Variants in NETO1 observed in about 807,000 individuals in gnomAD.
NETO1 encodes neuropilin and tolloid-like protein 1.
NETO1 carries 26 observed loss-of-function variants against 61.3 expected under a neutral mutation model. The ratio of observed to expected loss-of-function variants is 0.42; its 90% CI spans 0.31 to 0.59. The LOEUF (loss-of-function observed/expected upper bound fraction) is 0.59, where lower values mean the gene tolerates loss of function less well. Among genes scored for constraint, NETO1 ranks in the 20% least tolerant of loss-of-function variants. NETO1 has a pLI of 0.12. For synonymous variants in NETO1, 225 were observed against 225.8 expected (o/e 1.00, Z 0.03); for missense variants, 531 against 662.8 (o/e 0.80, Z 2.18).
chr18:72,857,140 G>C (rs1482504891), intron 4 of NETO1, among the ~76,000 whole-genome samples: 1 of 152,274 alleles, frequency 6.6e-6, no homozygotes, highest in East Asian at 1.9e-4. Flanking sequence ...TATGCCAAAT[G>C]TAGGTTTCCC....
intron 7 of NETO1, among the ~76,000 whole-genome samples, chr18:72,778,499 G>A (rs771687926): frequency 9.9e-5 from 15 of 151,926 alleles, no homozygotes; most frequent in Admixed American, 2.6e-4. Flanking sequence ...CACTTTGCCC[G>A]GACATTTTCT....
In NETO1 at chr18:72,791,448, A is replaced by G. The variant is rs2072113479; in HGVS notation, c.639+2669T>C. Among the ~76,000 whole-genome samples the G allele has an allele frequency of 2.0e-5, 3 of 152,316 alleles. No individual in the cohort carries two copies. The South Asian group carries it at 6.2e-4, about 32-fold the overall frequency. ...TAATCTCCAGTCCGTGCTTTTCTCC[A>G]CAGTATTCAAAGCCACTTCCCATCC... On this transcript the variant is annotated intron_variant, in intron 6 of 10. Coordinates refer to ENST00000327305, the MANE Select transcript of NETO1 (RefSeq NM_138966.5).
intron 4 of NETO1, among the ~76,000 whole-genome samples, 171 bp from the exon 5 acceptor site, chr18:72,794,575 G>T (rs1419269255): frequency 6.6e-6 from 1 of 152,120 alleles, no homozygotes; most frequent in Non-Finnish European, 1.5e-5. Context: ...GCATAATGAT[G>T]TTGGGACTGA....
At chr18:72,842,044 G>C (rs2073950431) in intron 4 of NETO1, among the ~76,000 whole-genome samples, 2 of 105,228 alleles carry the variant, frequency 1.9e-5, no homozygotes, top group Admixed American at 2.3e-4. Context: ...AATGTATACA[G>C]AAGTTTCCTG....
chr18:72,820,061 T>A (rs2062311), intron 4 of NETO1, among the ~76,000 whole-genome samples: 148,205 of 152,282 alleles, frequency 0.97, 72,130 homozygotes, highest in East Asian at 1. Context: ...CTTTTGTACC[T>A]AAAAGAAATG....
intron 7 of NETO1, among the ~76,000 whole-genome samples, chr18:72,759,441 T>G (rs2070897711): frequency 6.6e-6 from 1 of 152,224 alleles, no homozygotes; most frequent in African/African-American, 2.4e-5. Flanking sequence ...TTATGTTTAA[T>G]CGCTCATAAT....
chr18:72,792,246 A>G (rs541040949), intron 6 of NETO1, among the ~76,000 whole-genome samples: 33 of 152,224 alleles, frequency 2.2e-4, no homozygotes, highest in African/African-American at 5.8e-4. Context: ...AGCCTGGCCA[A>G]CGTGGAGAAA....
intron 4 of NETO1, among the ~76,000 whole-genome samples, chr18:72,848,467 C>T (rs959719113): frequency 2.0e-5 from 3 of 152,046 alleles, no homozygotes; most frequent in African/African-American, 7.3e-5. Context: ...ATCGTTGAGC[C>T]ATAAAATTCA....
At position 72,749,959 on chromosome 18, in the gene NETO1, AT is replaced by A. The variant is rs2070536457; in HGVS notation, c.1541+102del. 4.4e-6 allele frequency: 4 copies of A among 914,280 alleles called. No homozygotes were observed. The South Asian group carries it at 7.4e-5, about 17-fold the overall frequency. The allele number at this position is 914,280 out of a possible 1,614,324, so 56.6% of individuals were successfully genotyped here. A position where few individuals can be genotyped will look rare whatever the true frequency, so the allele number is the denominator to read the frequency against. ...TGGAAAACTAGGGTTTAAATCATTA[AT>A]TAAAGGGAAACTGAAATATGAAGAC... On this transcript the variant is annotated intron_variant, in intron 9 of 10. Transcript: ENST00000327305.
intron 4 of NETO1, among the ~76,000 whole-genome samples, chr18:72,827,574 G>C (rs1252170480): frequency 3.9e-5 from 6 of 152,072 alleles, no homozygotes; most frequent in African/African-American, 1.4e-4. Flanking sequence ...AAATGAGCTG[G>C]GCATGGTGAT....
At chr18:72,858,419 C>G (rs985887190) in intron 4 of NETO1, among the ~76,000 whole-genome samples, 2 of 152,110 alleles carry the variant, frequency 1.3e-5, no homozygotes, top group Non-Finnish European at 2.9e-5. Context: ...ATTTTCAGAA[C>G]AAATAAACTT....
chr18:72,799,415 G>C (rs1411529905), intron 4 of NETO1, among the ~76,000 whole-genome samples: 1 of 152,184 alleles, frequency 6.6e-6, no homozygotes, highest in Non-Finnish European at 1.5e-5. Context: ...CAACATCACA[G>C]CTAGAGAACT....
At position 72,830,812 on chromosome 18, in the gene NETO1, A is replaced by C. The variant is rs2073551108; in HGVS notation, c.469+28014T>G. Among the ~76,000 whole-genome samples the C allele has an allele frequency of 6.6e-6, 1 of 152,108 alleles. No homozygotes were observed. Among genetic ancestry groups the C allele is most frequent in the South Asian group, 2.1e-4 (1 of 4,820 alleles). On this transcript the variant is annotated intron_variant, in intron 4 of 10. Transcript: ENST00000327305. This position sits in a 1 kb window ranked among gnomAD's most constrained non-coding sequence, Gnocchi z 4.9. The stretch of plus-strand genomic sequence containing the variant: ...CATCACAAGATTCCTTTCACAGAAA[A>C]GGTTTCCGAAAGATTATGCTACACT...
chr18:72,864,797 T>G lies in NETO1; in HGVS notation c.220+11A>C. ...TAGTGCTTTCTTAACTCTGGCACTGTCTCCCCTTACCTTCTATGATGTAGA... is the reference window on the plus strand; with the variant it reads ...TAGTGCTTTCTTAACTCTGGCACTGGCTCCCCTTACCTTCTATGATGTAGA... On this transcript the variant is annotated intron_variant, in intron 3 of 10. Coordinates refer to ENST00000327305, the MANE Select transcript of NETO1 (RefSeq NM_138966.5). 6.2e-7 allele frequency: 1 copy of G among 1,613,720 alleles called. No individual in the cohort carries two copies. The highest frequency in any genetic ancestry group is 8.5e-7 in the Non-Finnish European group (1 of 1,179,898).
intron 6 of NETO1, among the ~76,000 whole-genome samples, chr18:72,792,790 A>G (rs2072168971): frequency 6.6e-6 from 1 of 151,798 alleles, no homozygotes; most frequent in Admixed American, 6.6e-5. Context: ...CTCTCAACCC[A>G]CGCTTTCATG....
intron 4 of NETO1, among the ~76,000 whole-genome samples, chr18:72,798,691 C>A (rs2072401590): frequency 6.6e-6 from 1 of 152,102 alleles, no homozygotes. Flanking sequence ...CTAAGCCTAG[C>A]CAAAATGAGT....
chr18:72,797,291 T>C (rs1260031481), intron 4 of NETO1, among the ~76,000 whole-genome samples: 1 of 152,164 alleles, frequency 6.6e-6, no homozygotes, highest in Non-Finnish European at 1.5e-5. Flanking sequence ...TAGAGAGAAA[T>C]GCCAGTTCTG....
chr18:72,772,738 C>T (rs2071391165), intron 7 of NETO1, among the ~76,000 whole-genome samples: 1 of 117,172 alleles, frequency 8.5e-6, no homozygotes, highest in South Asian at 3.1e-4. Context: ...CATGTACACA[C>T]ACACATCTCT....
intron 6 of NETO1, among the ~76,000 whole-genome samples, chr18:72,788,730 A>G (rs1330885776): frequency 1.3e-5 from 2 of 152,104 alleles, no homozygotes; most frequent in African/African-American, 2.4e-5. Context: ...CATATAAATA[A>G]TTTCTAGTAA....
Sources: gnomAD v4.1 joint callset for allele counts (sites outside exome capture counted in the v4.1 genomes callset) on GRCh38, gnomAD v4.1.1 for gene constraint, Gnocchi (gnomAD v3.1) non-coding constraint, MANE v1.5 for transcripts, NCBI Gene and HGNC (gene_info 2026-07-23, HGNC 2026-07-21) for gene names.